Variants in CRB1 observed in about 807,000 individuals in gnomAD.
CRB1 encodes crumbs cell polarity complex component 1.
A neutral mutation model predicts 120.0 loss-of-function variants in CRB1; 83 were observed. The ratio of observed to expected loss-of-function variants is 0.69; its 90% CI spans 0.58 to 0.83. CRB1 has a LOEUF of 0.83. CRB1 is among the 40% of genes least tolerant of loss of function. The pLI is 0.00. For missense variants in CRB1, 1,699 were observed against 1,687.6 expected (o/e 1.01, Z -0.12); for synonymous variants, 625 against 612.5 (o/e 1.02, Z -0.30).
At chr1:197,431,899 T>A (rs779658668) in intron 8 of CRB1, among the ~76,000 whole-genome samples, 33 of 152,170 alleles carry the variant, frequency 2.2e-4, no homozygotes, top group Non-Finnish European at 4.0e-4. Context: ...CTCTCATAAT[T>A]TTAATTTTAT....
chr1:197,473,811 C>T (rs982036422), intron 11 of CRB1, among the ~76,000 whole-genome samples: 1 of 151,770 alleles, frequency 6.6e-6, no homozygotes, highest in Non-Finnish European at 1.5e-5. Context: ...AAAGATCCAT[C>T]CTAGTGCCGT....
At chr1:197,247,239 A>G in the CRB1 span, among the ~76,000 whole-genome samples, 2 of 152,122 alleles carry the variant, frequency 1.3e-5, no homozygotes, top group South Asian at 2.1e-4. Flanking sequence ...TATTTTTTCT[A>G]CTGTCAAAAT....
chr1:197,229,640 G>T, the CRB1 span, among the ~76,000 whole-genome samples: 1 of 152,052 alleles, frequency 6.6e-6, no homozygotes, highest in African/African-American at 2.4e-5. Flanking sequence ...CCCAGTGTCT[G>T]TTGTTCTCAT....
intron 1 of CRB1, among the ~76,000 whole-genome samples, chr1:197,312,225 A>C: frequency 6.6e-6 from 1 of 152,222 alleles, no homozygotes; most frequent in East Asian, 1.9e-4. Context: ...GAAACAAAAG[A>C]AATCATAGAA....
At chr1:197,367,660 A>G (rs2125375763) in intron 5 of CRB1, among the ~76,000 whole-genome samples, 1 of 152,286 alleles carries the variant, frequency 6.6e-6, no homozygotes, top group Admixed American at 6.5e-5. Context: ...TTTCCAAACC[A>G]TCTCATCCAA....
At chr1:197,293,561 A>T (rs1208437385) in intron 1 of CRB1, among the ~76,000 whole-genome samples, 2 of 152,116 alleles carry the variant, frequency 1.3e-5, no homozygotes, top group Non-Finnish European at 2.9e-5. Context: ...GGAAAAAACT[A>T]CTTTAAAGTT....
chr1:197,252,117 G>A, the CRB1 span, among the ~76,000 whole-genome samples: 1 of 151,738 alleles, frequency 6.6e-6, no homozygotes, highest in Non-Finnish European at 1.5e-5. Flanking sequence ...AATATTTTAG[G>A]CTTTGTGGGC....
At chr1:197,336,620 T>G (rs144424271) in intron 2 of CRB1, among the ~76,000 whole-genome samples, 125 of 152,346 alleles carry the variant, frequency 8.2e-4, no homozygotes, top group African/African-American at 2.7e-3. Context: ...AAATGTTTGT[T>G]GAATGAGTGC....
chr1:197,317,326 G>A (rs1333662226), intron 1 of CRB1, among the ~76,000 whole-genome samples: 2 of 152,142 alleles, frequency 1.3e-5, no homozygotes, highest in African/African-American at 4.8e-5. Flanking sequence ...GCTGAGGCAG[G>A]ACAATCACTT....
chr1:197,353,485 C>T (rs1306291454), intron 4 of CRB1, among the ~76,000 whole-genome samples: 1 of 152,160 alleles, frequency 6.6e-6, no homozygotes, highest in African/African-American at 2.4e-5. Flanking sequence ...TGCAAAGGGC[C>T]TTAGGCGACT....
At chr1:197,441,301 A>C (rs1052532760) in intron 10 of CRB1, 12 of 152,204 alleles carry the variant, frequency 7.9e-5, no homozygotes, top group Admixed American at 6.5e-4. Flanking sequence ...AGTATGTGTT[A>C]AATAAATATC....
chr1:197,307,687 G>A (rs939353782), intron 1 of CRB1, among the ~76,000 whole-genome samples: 20 of 152,242 alleles, frequency 1.3e-4, no homozygotes, highest in East Asian at 7.7e-4. Flanking sequence ...TCACTGACAG[G>A]TAGATGATTT....
rs758879147 is a variant in CRB1, at chr1:197,420,981, C to CT, written c.1172-13dup. The CT allele has an allele frequency of 3.5e-6, 5 of 1,433,974 alleles. No individual in the cohort carries two copies. The highest frequency in any genetic ancestry group is 2.8e-5 in the African/African-American group (2 of 71,328). The allele number at this position is 1,433,974 out of a possible 1,614,324, so 88.8% of individuals were successfully genotyped here. ...GATGTGAATATATATAATTTTAGCC[C>CT]TTTTTTATTATTTAACAGGAATCCA... On this transcript the variant is annotated intron_variant, in intron 5 of 11. Transcript: ENST00000367400.
chr1:197,420,357 A>T (rs1306330090), intron 5 of CRB1, among the ~76,000 whole-genome samples: 1 of 152,176 alleles, frequency 6.6e-6, no homozygotes, highest in African/African-American at 2.4e-5. Flanking sequence ...AGAAAAAAAA[A>T]GTAGAAAGTG....
At chr1:197,276,268 G>T (rs1416575062) in intron 1 of CRB1, among the ~76,000 whole-genome samples, 1 of 151,838 alleles carries the variant, frequency 6.6e-6, no homozygotes, top group Non-Finnish European at 1.5e-5. Flanking sequence ...TGAATGGTTT[G>T]ACGGGACCAA....
intron 4 of CRB1, 105 bp downstream of exon 4, chr1:197,347,584 T>C: frequency 1.7e-6 from 2 of 1,186,342 alleles, no homozygotes; most frequent in Non-Finnish European, 2.4e-6. Flanking sequence ...ATGTTTTAAA[T>C]CAATTTCTTC....
chr1:197,232,764 C>T, the CRB1 span, among the ~76,000 whole-genome samples: 7 of 152,062 alleles, frequency 4.6e-5, no homozygotes, highest in Non-Finnish European at 1.0e-4. Context: ...CAGTAGGACT[C>T]TCCTATATTT....
At chr1:197,438,857 G>A (rs911001821) in intron 10 of CRB1, 182 bp downstream of exon 10, 4 of 615,200 alleles carry the variant, frequency 6.5e-6, no homozygotes, top group South Asian at 2.1e-5. Context: ...GGTCAAAGGG[G>A]AGAACATTTT....
chr1:197,267,619 A>G (rs940332195), upstream of CRB1, among the ~76,000 whole-genome samples: 7 of 152,362 alleles, frequency 4.6e-5, no homozygotes, highest in African/African-American at 1.7e-4. Flanking sequence ...CATGGTGTCT[A>G]ATAAAAATAC....
Sources: gnomAD v4.1 joint callset for allele counts (sites outside exome capture counted in the v4.1 genomes callset) on GRCh38, gnomAD v4.1.1 for gene constraint, MANE v1.5 for transcripts, NCBI Gene and HGNC (gene_info 2026-07-23, HGNC 2026-07-21) for gene names.